The following ADAMTS20 variants were observed in gnomAD, a reference collection of about 807,000 sequenced individuals.
The protein encoded by ADAMTS20 is A disintegrin and metalloproteinase with thrombospondin motifs 20.
A neutral mutation model predicts 260.1 loss-of-function variants in ADAMTS20; 225 were observed. The observed-to-expected ratio is 0.87, with a 90% CI of 0.78 to 0.97. The LOEUF is 0.97. ADAMTS20 is among the 50% of genes least tolerant of loss of function. The pLI is 0.00. For missense variants in ADAMTS20, 2,400 were observed against 2,337.7 expected, an observed-to-expected ratio of 1.03 and a Z score of -0.55; for synonymous variants, 802 against 769.5, an observed-to-expected ratio of 1.04 and a Z score of -0.70.
chr12:43,409,870 A>G (rs1012709522), intron 28 of ADAMTS20, among the ~76,000 whole-genome samples: 25 of 152,164 alleles, frequency 1.6e-4, no homozygotes, highest in Non-Finnish European at 2.8e-4. Flanking sequence ...AGAAAATACC[A>G]AAAGCTTCAG....
At chr12:43,516,345 C>A (rs1006946041) in intron 3 of ADAMTS20, among the ~76,000 whole-genome samples, 1 of 152,200 alleles carries the variant, frequency 6.6e-6, no homozygotes, top group African/African-American at 2.4e-5. Context: ...AATTCTGAAT[C>A]AGATTCTAAT....
chr12:43,421,282 C>CAAAAAAAAAAAAA (rs61465679), intron 28 of ADAMTS20, among the ~76,000 whole-genome samples: 6 of 118,878 alleles, frequency 5.0e-5, no homozygotes, highest in East Asian at 2.2e-4. Context: ...CTTTCATTTA[C>CAAAAAAAAAAAAA]AAAAAAAAAA....
intron 2 of ADAMTS20, among the ~76,000 whole-genome samples, chr12:43,547,307 G>T (rs1227114255): frequency 1.3e-5 from 2 of 152,254 alleles, no homozygotes; most frequent in East Asian, 1.9e-4. Flanking sequence ...AAAGGCAAAA[G>T]GTCAATTAAA....
intron 3 of ADAMTS20, among the ~76,000 whole-genome samples, chr12:43,521,934 G>A (rs993670447): frequency 7.9e-5 from 12 of 151,872 alleles, no homozygotes; most frequent in African/African-American, 2.4e-4. Flanking sequence ...ATCTTTATAC[G>A]TTCTGTAACA....
chr12:43,386,037 T>A (rs951189106), intron 29 of ADAMTS20, among the ~76,000 whole-genome samples: 2 of 152,218 alleles, frequency 1.3e-5, no homozygotes, highest in Non-Finnish European at 2.9e-5. Context: ...ATTTGATTCT[T>A]CTCTCTTTTC....
intron 28 of ADAMTS20, among the ~76,000 whole-genome samples, chr12:43,409,258 G>T (rs967209000): frequency 7.2e-5 from 11 of 151,804 alleles, no homozygotes; most frequent in Non-Finnish European, 1.2e-4. Flanking sequence ...TATTGATAAA[G>T]TTTCCCATCA....
intron 29 of ADAMTS20, among the ~76,000 whole-genome samples, chr12:43,393,518 C>T (rs1191731253): frequency 2.6e-5 from 4 of 151,832 alleles, no homozygotes; most frequent in Admixed American, 6.6e-5. Flanking sequence ...ATAGCTATTG[C>T]GGAGCAGAGA....
intron 28 of ADAMTS20, among the ~76,000 whole-genome samples, chr12:43,425,012 C>T (rs182728055): frequency 4.6e-4 from 70 of 151,990 alleles, no homozygotes; most frequent in African/African-American, 1.6e-3. Flanking sequence ...AGAGACAAAA[C>T]AAAACAAAAC....
At position 43,514,546 on chromosome 12, in the gene ADAMTS20, G is replaced by A. The variant is rs1480642257; in HGVS notation, c.614-12141C>T. ...TACTGCACTCTAGGCCGGTGACAGA[G>A]TGAGACTCTATCTCAAAAAAAAAAA... On this transcript the variant is annotated intron_variant, in intron 3 of 38. Transcript: ENST00000389420. Among the ~76,000 whole-genome samples, 4 of 123,506 alleles carry A rather than the reference G, an allele frequency of 3.2e-5. No homozygotes were observed. In the East Asian group the frequency reaches 6.9e-4, roughly 21 times the overall value. The allele number at this position is 123,506 out of a possible 152,430, so 81.0% of individuals were successfully genotyped here. A position where few individuals can be genotyped will look rare whatever the true frequency, so the allele number is the denominator to read the frequency against.
intron 7 of ADAMTS20, among the ~76,000 whole-genome samples, chr12:43,471,006 C>T (rs991070167): frequency 5.3e-5 from 8 of 152,178 alleles, no homozygotes; most frequent in Non-Finnish European, 7.4e-5. Flanking sequence ...ATAGGAACAG[C>T]TCCGGTCTAC....
chr12:43,405,417 CTAATAATAATAATAA>C (rs66970122), intron 28 of ADAMTS20, among the ~76,000 whole-genome samples: 7,441 of 135,722 alleles, frequency 0.055, 243 homozygotes, highest in East Asian at 0.15. Context: ...GACGTCTTCT[CTAATAATAATAATAA>C]TAATAATAAT....
chr12:43,464,628 A>C lies in ADAMTS20; in HGVS notation c.1472T>G (p.Leu491Arg). The C allele has an allele frequency of 6.2e-7, 1 of 1,613,440 alleles. No homozygotes were observed. Among genetic ancestry groups the C allele is most frequent in the Non-Finnish European group, 8.5e-7 (1 of 1,179,490 alleles). ...SRYDGNKQCE[L>R]AFGPGSQMCP... ...CATTTGTGACCCAGGACCAAACGCA[A>C]GCTCACACTGCTTGTTTCCATCATA... is the stretch of plus-strand genomic sequence containing the variant. Residue 491 changes from leucine (L) to arginine (R), a missense_variant, in exon 10 of 39, where the codon CTT becomes CGT. Leu to Arg is a moderately radical substitution (Grantham distance 102). Transcript: ENST00000389420.
intron 7 of ADAMTS20, among the ~76,000 whole-genome samples, chr12:43,486,192 A>G (rs1238969282): frequency 6.6e-6 from 1 of 152,198 alleles, no homozygotes; most frequent in African/African-American, 2.4e-5. Context: ...ACAAGGCTAT[A>G]GTAACCAAAA....
At chr12:43,514,386 A>G (rs1942969260) in intron 3 of ADAMTS20, among the ~76,000 whole-genome samples, 2 of 151,522 alleles carry the variant, frequency 1.3e-5, no homozygotes, top group South Asian at 4.2e-4. Flanking sequence ...AACATGGGAA[A>G]CCCCATCTAT....
intron 18 of ADAMTS20, among the ~76,000 whole-genome samples, chr12:43,438,659 C>T (rs1041373350): frequency 6.6e-6 from 1 of 152,162 alleles, no homozygotes; most frequent in Non-Finnish European, 1.5e-5. Context: ...ACATTCTCAC[C>T]ACCTTTGGTC....
At chr12:43,465,101 T>G (rs1159923476) in intron 9 of ADAMTS20, among the ~76,000 whole-genome samples, 1 of 152,134 alleles carries the variant, frequency 6.6e-6, no homozygotes, top group African/African-American at 2.4e-5. Flanking sequence ...GTGTAATGAC[T>G]AACTGTTAAA....
intron 28 of ADAMTS20, chr12:43,423,992 G>A: frequency 1.5e-6 from 1 of 665,480 alleles, no homozygotes; most frequent in Non-Finnish European, 2.7e-6. Context: ...ATGAATTTCA[G>A]CCTGAACCAG....
chr12:43,391,863 T>G (rs1940603529), intron 29 of ADAMTS20, among the ~76,000 whole-genome samples: 1 of 152,194 alleles, frequency 6.6e-6, no homozygotes, highest in Non-Finnish European at 1.5e-5. Context: ...TCTCATAAAC[T>G]GTGTCAACAT....
At chr12:43,443,742 A>C (rs1290391408) in intron 16 of ADAMTS20, 49 bp downstream of exon 16, 2 of 1,444,296 alleles carry the variant, frequency 1.4e-6, no homozygotes, top group East Asian at 4.6e-5. Flanking sequence ...GACTTCCATG[A>C]AATTGCACAT....
Sources: gnomAD v4.1 joint callset for allele counts (sites outside exome capture counted in the v4.1 genomes callset) on GRCh38, gnomAD v4.1.1 for gene constraint, MANE v1.5 for transcripts, NCBI Gene and HGNC (gene_info 2026-07-23, HGNC 2026-07-21) for gene names.